Variants in DCC observed in about 807,000 individuals in gnomAD.
The protein encoded by DCC is netrin receptor DCC.
DCC carries 58 observed loss-of-function variants against 172.5 expected under a neutral mutation model. The ratio of observed to expected loss-of-function variants is 0.34; its 90% CI spans 0.27 to 0.42. The LOEUF is 0.42. Among genes scored for constraint, DCC ranks in the 10% least tolerant of loss-of-function variants. The probability of loss-of-function intolerance (pLI) is 1.00; values close to 1 mark genes in which losing one functional copy is unlikely to be tolerated. For synonymous variants in DCC, 709 were observed against 644.5 expected, an observed-to-expected ratio of 1.10 and a Z score of -1.52; for missense variants, 1,740 against 1,791.0, an observed-to-expected ratio of 0.97 and a Z score of 0.51.
chr18:52,971,934 T>A (rs1207833336), intron 5 of DCC, among the ~76,000 whole-genome samples: 1 of 152,178 alleles, frequency 6.6e-6, no homozygotes. Context: ...TCATCAAGCA[T>A]CCTGTGCTCC....
intron 12 of DCC, among the ~76,000 whole-genome samples, chr18:53,251,233 A>G (rs1479029352): frequency 6.6e-6 from 1 of 151,912 alleles, no homozygotes; most frequent in Admixed American, 6.6e-5. Context: ...AAAATTCACC[A>G]TGATTTCCTA....
chr18:53,424,621 C>A (rs1265620748), intron 21 of DCC, among the ~76,000 whole-genome samples: 1 of 142,544 alleles, frequency 7.0e-6, no homozygotes, highest in African/African-American at 2.5e-5. Flanking sequence ...TAGAACTAGA[C>A]TCAATGCAAA....
At chr18:52,445,637 A>T (rs1480491677) in intron 1 of DCC, among the ~76,000 whole-genome samples, 2 of 152,196 alleles carry the variant, frequency 1.3e-5, no homozygotes, top group Non-Finnish European at 2.9e-5. Flanking sequence ...CTCTAACACA[A>T]AACGAATTTT....
intron 5 of DCC, among the ~76,000 whole-genome samples, chr18:53,020,797 A>G (rs1599035030): frequency 6.6e-6 from 1 of 152,166 alleles, no homozygotes; most frequent in East Asian, 1.9e-4. Flanking sequence ...AGGGAATTAG[A>G]TAGAATTTAA....
At chr18:53,209,911 T>A (rs2055719837) in intron 11 of DCC, among the ~76,000 whole-genome samples, 1 of 152,214 alleles carries the variant, frequency 6.6e-6, no homozygotes, top group African/African-American at 2.4e-5. Flanking sequence ...GTCCAAGAAT[T>A]ATCTTCTGGA....
At chr18:52,914,601 G>T (rs1465017826) in intron 3 of DCC, among the ~76,000 whole-genome samples, 1 of 152,014 alleles carries the variant, frequency 6.6e-6, no homozygotes, top group Admixed American at 6.6e-5. Flanking sequence ...AATAAATTCT[G>T]GTTCCCGTGA....
chr18:52,498,422 G>A (rs2030885410), intron 1 of DCC, among the ~76,000 whole-genome samples: 1 of 152,088 alleles, frequency 6.6e-6, no homozygotes, highest in African/African-American at 2.4e-5. Context: ...TCATGAGTTT[G>A]AGACCAGCCT....
intron 14 of DCC, among the ~76,000 whole-genome samples, chr18:53,334,395 T>A (rs1160367076): frequency 1.3e-5 from 2 of 152,218 alleles, no homozygotes; most frequent in African/African-American, 2.4e-5. Flanking sequence ...TTTTCTGTTT[T>A]TGTAATTGTT....
At chr18:52,453,262 G>T (rs956122006) in intron 1 of DCC, among the ~76,000 whole-genome samples, 2 of 152,138 alleles carry the variant, frequency 1.3e-5, no homozygotes, top group Non-Finnish European at 2.9e-5. Context: ...GATCCATTAG[G>T]CTCGGTAGAA....
chr18:52,423,079 T>C (rs903483805), intron 1 of DCC, among the ~76,000 whole-genome samples: 37 of 152,164 alleles, frequency 2.4e-4, no homozygotes, highest in African/African-American at 8.9e-4. Flanking sequence ...ACACCTGGAT[T>C]CATTCACCTA....
intron 9 of DCC, among the ~76,000 whole-genome samples, chr18:53,195,643 A>C (rs2055432318): frequency 6.7e-6 from 1 of 150,166 alleles, no homozygotes; most frequent in Admixed American, 6.6e-5. Context: ...TCTGTTCTGG[A>C]AAGGCTCATG....
chr18:53,290,613 G>T (rs552574758), intron 12 of DCC, among the ~76,000 whole-genome samples: 1 of 151,978 alleles, frequency 6.6e-6, no homozygotes, highest in African/African-American at 2.4e-5. Context: ...AAGATAGGCC[G>T]CTGTTAATAG....
chr18:52,770,608 GCA>G (rs977774715), intron 2 of DCC, among the ~76,000 whole-genome samples: 62 of 151,374 alleles, frequency 4.1e-4, no homozygotes, highest in African/African-American at 1.4e-3. Context: ...AGAGTCATGG[GCA>G]GTGACTGAAC....
intron 7 of DCC, among the ~76,000 whole-genome samples, chr18:53,072,678 G>T (rs2042671459): frequency 6.6e-6 from 1 of 152,206 alleles, no homozygotes; most frequent in Non-Finnish European, 1.5e-5. Flanking sequence ...CAAAATGGCT[G>T]TGGGAAAAAT....
intron 9 of DCC, among the ~76,000 whole-genome samples, chr18:53,188,016 C>T (rs12956266): frequency 0.066 from 10,123 of 152,228 alleles, 489 homozygotes; most frequent in African/African-American, 0.13. Flanking sequence ...ACTCTAAGCC[C>T]ATGGTCAGTG....
chr18:52,849,960 G>T (rs1358592758), intron 2 of DCC, among the ~76,000 whole-genome samples: 1 of 152,132 alleles, frequency 6.6e-6, no homozygotes, highest in Non-Finnish European at 1.5e-5. Flanking sequence ...GGTCATGAGA[G>T]AAAACTATTG....
chr18:52,920,536 A>G (rs947999283), intron 3 of DCC, among the ~76,000 whole-genome samples: 1 of 152,096 alleles, frequency 6.6e-6, no homozygotes, highest in African/African-American at 2.4e-5. Context: ...AAAAAAAATA[A>G]TGGCAATAGC....
chr18:53,378,745 T>C (rs1907498206), intron 15 of DCC, among the ~76,000 whole-genome samples: 1 of 152,356 alleles, frequency 6.6e-6, no homozygotes, highest in East Asian at 1.9e-4. Context: ...TAGTAGAAGA[T>C]TGAAAATGTA....
At chr18:52,402,778 T>C (rs1264912950) in intron 1 of DCC, among the ~76,000 whole-genome samples, 20 of 152,028 alleles carry the variant, frequency 1.3e-4, no homozygotes, top group Admixed American at 1.3e-3. Flanking sequence ...GAATTAGTGA[T>C]AATAGGGAAA....
Sources: gnomAD v4.1 joint callset for allele counts (sites outside exome capture counted in the v4.1 genomes callset) on GRCh38, gnomAD v4.1.1 for gene constraint, MANE v1.5 for transcripts, NCBI Gene and HGNC (gene_info 2026-07-23, HGNC 2026-07-21) for gene names.